Variants in MPP3 observed in about 807,000 individuals in gnomAD.
MPP3 encodes the protein MAGUK p55 subfamily member 3.
A neutral mutation model predicts 80.7 loss-of-function variants in MPP3; 48 were observed. The ratio of observed to expected loss-of-function variants is 0.59; its 90% confidence interval spans 0.47 to 0.76. The LOEUF is 0.76. Among genes scored for constraint, MPP3 ranks in the 30% least tolerant of loss-of-function variants. MPP3 has a pLI of 0.00. For missense variants in MPP3, 620 were observed against 763.0 expected (o/e 0.81, Z 2.21); for synonymous variants, 311 against 297.6 (o/e 1.04, Z -0.46).
intron 12 of MPP3, among the ~76,000 whole-genome samples, chr17:43,816,965 G>A (rs1324440293): frequency 3.9e-5 from 6 of 152,222 alleles, no homozygotes; most frequent in Non-Finnish European, 8.8e-5. Flanking sequence ...CTTCTAACCT[G>A]ACAGCAAGTC....
At chr17:43,813,866 T>C in intron 16 of MPP3, 145 bp downstream of exon 16, 2 of 696,402 alleles carry the variant, frequency 2.9e-6, no homozygotes. Context: ...CATCATGCCT[T>C]TGTCCCACAA....
In MPP3 at chr17:43,829,779, C is replaced by T; in HGVS notation, c.316G>A (p.Val106Ile). 1 of 1,613,786 alleles carries T rather than the reference C, an allele frequency of 6.2e-7. No individual in the cohort carries two copies. Among genetic ancestry groups the T allele is most frequent in the Non-Finnish European group, 8.5e-7 (1 of 1,180,002 alleles). The change falls in exon 7 of 20, where the codon GTA becomes ATA. Residue 106 changes from valine (V) to isoleucine (I), a missense_variant. Coordinates refer to ENST00000398389, the MANE Select transcript of MPP3 (RefSeq NM_001932.6). Reference protein sequence around the residue: ...STPHLRAVLMVHDTVAQKNFD... With the variant: ...STPHLRAVLMIHDTVAQKNFD... ...TTCTTCTGGGCAACCGTGTCATGTA[C>T]CATGAGCACAGCCTGCCGGGAAAGC...
chr17:43,818,053 C>T lies in MPP3; in HGVS notation c.939G>A (p.Lys313=). The T allele has an allele frequency of 1.9e-6, 3 of 1,582,358 alleles. No individual in the cohort carries two copies. The highest frequency in any genetic ancestry group is 1.2e-5 in the South Asian group (1 of 86,620). ...GTLPSPQSLR[K]PPYDQPCDKE... is the part of the protein sequence containing the mutation. The stretch of plus-strand genomic sequence containing the variant: ...CCCTGACAATCTACTCACAGGGGGG[C>T]TTCCTGAGGCTCTGGGGGCTCGGCA... The change falls in exon 12 of 20, where the codon AAG becomes AAA. Residue 313 remains lysine, a synonymous_variant. Coordinates refer to ENST00000398389, the MANE Select transcript of MPP3 (RefSeq NM_001932.6).
intron 8 of MPP3, 59 bp downstream of exon 8, chr17:43,827,692 G>A: frequency 6.5e-7 from 1 of 1,550,014 alleles, no homozygotes; most frequent in Non-Finnish European, 8.8e-7. Context: ...CAAAGGTGGA[G>A]GGCTCTGGAA....
chr17:43,811,198 G>T lies in MPP3; in HGVS notation c.1263C>A (p.Thr421=), dbSNP rs2044841365. 4 of 1,613,404 alleles carry T rather than the reference G, an allele frequency of 2.5e-6. No homozygotes were observed. The highest frequency in any genetic ancestry group is 3.4e-6 in the Non-Finnish European group (4 of 1,179,374). Residue 421 remains threonine (T), a synonymous_variant, in exon 17 of 20, where the codon ACC becomes ACA. Transcript: ENST00000398389. ...QHFGVAVPHT[T]RPRKSHEKEG... ...CCTTCTCATGGCTCTTTCGGGGCCT[G>T]GTGGTATCTTTTAAAGAAAGAAGGA...
chr17:43,826,196 C>T (rs2143079714), intron 8 of MPP3, among the ~76,000 whole-genome samples: 1 of 152,328 alleles, frequency 6.6e-6, no homozygotes, highest in East Asian at 1.9e-4. Flanking sequence ...ATCTCTGCTT[C>T]TTTAAAATTA....
Position 43,811,033 on chromosome 17 carries a change from C to T in MPP3, c.1349+79G>A. ...GCTTCCCCCATCCTTTCCGGGAGTC[C>T]TCCCAGGAGCTCTAGTGGAATACAG... On this transcript the variant is annotated intron_variant, in intron 17 of 19. Coordinates refer to ENST00000398389, the MANE Select transcript of MPP3 (RefSeq NM_001932.6). 2.0e-6 allele frequency: 3 copies of T among 1,467,900 alleles called. No homozygotes were observed. The South Asian group carries it at 3.4e-5, about 17-fold the overall frequency. 90.9% of individuals were successfully genotyped at this position (1,467,900 alleles called of 1,614,324 possible).
chr17:43,815,381 C>T (rs901756428), intron 14 of MPP3, among the ~76,000 whole-genome samples: 1 of 152,016 alleles, frequency 6.6e-6, no homozygotes, highest in Non-Finnish European at 1.5e-5. Flanking sequence ...AGGAGGATTG[C>T]TTGAAGCCAG....
intron 19 of MPP3, among the ~76,000 whole-genome samples, chr17:43,805,598 T>C (rs1010779280): frequency 6.6e-6 from 1 of 152,178 alleles, no homozygotes; most frequent in Admixed American, 6.5e-5. Context: ...CTCTATACAA[T>C]GGAATGTTAT....
At chr17:43,820,611 C>T (rs1415940923) in intron 11 of MPP3, among the ~76,000 whole-genome samples, 8 of 134,622 alleles carry the variant, frequency 5.9e-5, no homozygotes, top group African/African-American at 2.9e-4. Flanking sequence ...AAAATACACA[C>T]ACACACACAC....
chr17:43,814,689 G>A (rs1420761948), intron 14 of MPP3: 1 of 223,334 alleles, frequency 4.5e-6, no homozygotes, highest in Non-Finnish European at 8.8e-6. Context: ...TGTGGTCCTA[G>A]ATTAGATCCT....
chr17:43,828,791 T>A lies in MPP3; in HGVS notation c.441+863A>T, dbSNP rs530288193. ...TCTAGCCCCCCAGAACTGAGAACTTTCCAGCATCGCTATCCATCATTTATT... is the reference window on the plus strand; with the variant it reads ...TCTAGCCCCCCAGAACTGAGAACTTACCAGCATCGCTATCCATCATTTATT... On this transcript the variant is annotated intron_variant, in intron 7 of 19. Coordinates refer to ENST00000398389, the MANE Select transcript of MPP3 (RefSeq NM_001932.6). 8.1e-4 allele frequency among the ~76,000 whole-genome samples: 124 copies of A among 152,314 alleles called. No individual in the cohort carries two copies. The Middle Eastern group carries it at 0.014, about 17-fold the overall frequency.
intron 11 of MPP3, 96 bp downstream of exon 11, chr17:43,820,766 C>T (rs1396014322): frequency 8.7e-6 from 10 of 1,144,440 alleles, no homozygotes; most frequent in South Asian, 5.9e-5. Context: ...GCTCAGCAGG[C>T]CCCTCTGGCT....
chr17:43,816,016 G>A, intron 14 of MPP3, 22 bp downstream of exon 14: 1 of 1,483,126 alleles, frequency 6.7e-7, no homozygotes, highest in South Asian at 1.4e-5. Flanking sequence ...CGTGCATGTG[G>A]GTGTCAGGGG....
intron 5 of MPP3, 84 bp from the exon 6 acceptor site, chr17:43,830,191 C>A: frequency 1.0e-6 from 1 of 979,106 alleles, no homozygotes; most frequent in East Asian, 2.9e-5. Flanking sequence ...TGGAAGGGCC[C>A]ACCCAGCTGC....
In MPP3 at chr17:43,825,777, G is replaced by A. The variant is rs375141612; in HGVS notation, c.588C>T (p.Pro196=). The change falls in exon 9 of 20, where the codon CCC becomes CCT. Residue 196 remains proline, a synonymous_variant. Transcript: ENST00000398389. ...VNGIAVLHKR[P]DEISQILAQS... The stretch of plus-strand genomic sequence containing the variant: ...GGACCAGAATCTGGCTGATCTCGTC[G>A]GGCCGCTTGTGCAGGACTGCGATCC... 27 of 1,612,544 alleles carry A rather than the reference G, an allele frequency of 1.7e-5. No homozygotes were observed. The highest frequency in any genetic ancestry group is 1.6e-4 in the Middle Eastern group (1 of 6,078).
intron 8 of MPP3, among the ~76,000 whole-genome samples, 172 bp from the exon 9 acceptor site, chr17:43,826,013 C>T (rs1293250405): frequency 3.9e-5 from 6 of 152,228 alleles, no homozygotes; most frequent in African/African-American, 1.4e-4. Flanking sequence ...TGCTGGGCAC[C>T]TCACTCGGCA....
intron 12 of MPP3, 58 bp downstream of exon 12, chr17:43,817,988 C>T (rs2154591313): frequency 2.7e-6 from 4 of 1,474,682 alleles, no homozygotes; most frequent in Admixed American, 2.1e-5. Flanking sequence ...CAGCCTGAAT[C>T]CTCCCTCGCC....
chr17:43,825,960 T>A, intron 8 of MPP3, 119 bp from the exon 9 acceptor site: 1 of 669,628 alleles, frequency 1.5e-6, no homozygotes. Flanking sequence ...ACTCGAGGTT[T>A]AAAGTTGATG....
Sources: gnomAD v4.1 joint callset for allele counts (sites outside exome capture counted in the v4.1 genomes callset) on GRCh38, gnomAD v4.1.1 for gene constraint, MANE v1.5 for transcripts, NCBI Gene and HGNC (gene_info 2026-07-23, HGNC 2026-07-21) for gene names.